PCCA: variants seen among roughly 807,000 people sequenced by gnomAD.
PCCA encodes the protein propionyl-CoA carboxylase subunit alpha.
A neutral mutation model predicts 101.3 loss-of-function variants in PCCA; 74 were observed. That is an observed-to-expected ratio of 0.73 (90% CI 0.61 to 0.89). The LOEUF (loss-of-function observed/expected upper bound fraction) is 0.89. Ranked by LOEUF, PCCA falls within the 40% of genes least tolerant of loss-of-function variation. PCCA has a pLI of 0.00. For synonymous variants in PCCA, 294 were observed against 313.6 expected (o/e 0.94, Z 0.66); for missense variants, 891 against 907.0 (o/e 0.98, Z 0.23).
At chr13:100,481,597 A>G (rs2083939644) in intron 21 of PCCA, among the ~76,000 whole-genome samples, 1 of 152,076 alleles carries the variant, frequency 6.6e-6, no homozygotes, top group Non-Finnish European at 1.5e-5. Context: ...ACCCCCTGAC[A>G]GTAGATCTGG....
chr13:100,476,492 T>G (rs1367639470), intron 21 of PCCA, among the ~76,000 whole-genome samples: 1 of 152,216 alleles, frequency 6.6e-6, no homozygotes, highest in African/African-American at 2.4e-5. Flanking sequence ...TAAGTATCTT[T>G]CCAAGTCACT....
intron 7 of PCCA, among the ~76,000 whole-genome samples, chr13:100,211,695 T>TA (rs1228104525): frequency 6.6e-6 from 1 of 152,170 alleles, no homozygotes; most frequent in African/African-American, 2.4e-5. Context: ...TGGGCAATCT[T>TA]ACTTTTTTTC....
chr13:100,279,756 G>T (rs895428584), intron 12 of PCCA, among the ~76,000 whole-genome samples: 3 of 152,154 alleles, frequency 2.0e-5, no homozygotes, highest in Non-Finnish European at 4.4e-5. Context: ...TTACAGGCAT[G>T]AGCCACCGCG....
rs556579632 is a variant in PCCA at position 100,117,543 on chromosome 13, C to G, written c.300+5482C>G. Among the ~76,000 whole-genome samples the G allele has an allele frequency of 2.0e-5, 3 of 151,320 alleles. No individual in the cohort carries two copies. The South Asian group carries it at 6.2e-4, about 31-fold the overall frequency. The stretch of plus-strand genomic sequence containing the variant: ...CAGGGACAGAAAACAAAACACTGCA[C>G]GTTCTCACTCATAGGTGGGAATTGA... On this transcript the variant is annotated intron_variant, in intron 4 of 23. Coordinates refer to ENST00000376285, the MANE Select transcript of PCCA (RefSeq NM_000282.4).
chr13:100,151,687 G>T (rs1216775013), intron 4 of PCCA, among the ~76,000 whole-genome samples: 1 of 152,034 alleles, frequency 6.6e-6, no homozygotes, highest in African/African-American at 2.4e-5. Flanking sequence ...ATCTCTATTG[G>T]TTTTCTGAGA....
At chr13:100,244,451 G>A (rs1204759241) in intron 8 of PCCA, among the ~76,000 whole-genome samples, 1 of 151,818 alleles carries the variant, frequency 6.6e-6, no homozygotes, top group East Asian at 1.9e-4. Context: ...TGCTGTTTCT[G>A]TCTCCCTTTA....
intron 4 of PCCA, among the ~76,000 whole-genome samples, chr13:100,115,118 A>G (rs1212544931): frequency 6.6e-6 from 1 of 152,226 alleles, no homozygotes. Flanking sequence ...TGTCATTTGC[A>G]ATAGCATGGA....
chr13:100,443,228 A>G (rs1299759926), intron 20 of PCCA, among the ~76,000 whole-genome samples: 5 of 151,932 alleles, frequency 3.3e-5, no homozygotes, highest in African/African-American at 1.2e-4. Context: ...TAGTTGGGGG[A>G]AAAAATTAAA....
At chr13:100,232,393 G>GTGTGTGTGTGTGT (rs2060549762) in intron 7 of PCCA, among the ~76,000 whole-genome samples, 1 of 58,912 alleles carries the variant, frequency 1.7e-5, no homozygotes, top group Non-Finnish European at 3.9e-5. Flanking sequence ...TGTGTGTGTG[G>GTGTGTGTGTGTGT]TTTTAGAGAC....
intron 21 of PCCA, among the ~76,000 whole-genome samples, chr13:100,492,853 C>G (rs1450185264): frequency 1.3e-5 from 2 of 151,666 alleles, no homozygotes; most frequent in Non-Finnish European, 2.9e-5. Context: ...TGACCAAACT[C>G]CAGGGGAAAG....
intron 12 of PCCA, among the ~76,000 whole-genome samples, chr13:100,294,401 G>T (rs1360243570): frequency 1.3e-5 from 2 of 152,000 alleles, no homozygotes; most frequent in African/African-American, 2.4e-5. Context: ...TATTCTTGGG[G>T]TCACCAGGGG....
chr13:100,341,973 A>ATATATATATATG (rs1257478273), intron 18 of PCCA, among the ~76,000 whole-genome samples: 18 of 121,856 alleles, frequency 1.5e-4, no homozygotes, highest in Middle Eastern at 5.1e-3. Flanking sequence ...ATATATATAT[A>ATATATATATATG]TATATATATG....
At chr13:100,300,010 A>G (rs922549741) in intron 12 of PCCA, among the ~76,000 whole-genome samples, 8 of 152,164 alleles carry the variant, frequency 5.3e-5, no homozygotes, top group Admixed American at 4.6e-4. Context: ...CGCCACACCC[A>G]TCCAGGTTCA....
chr13:100,179,995 A>G (rs776742835), intron 6 of PCCA, among the ~76,000 whole-genome samples: 3 of 152,156 alleles, frequency 2.0e-5, no homozygotes, highest in African/African-American at 4.8e-5. Context: ...ATGAGAAAAC[A>G]CGTGGTACAA....
At chr13:100,342,920 C>T (rs2071603305) in intron 18 of PCCA, among the ~76,000 whole-genome samples, 1 of 151,914 alleles carries the variant, frequency 6.6e-6, no homozygotes, top group African/African-American at 2.4e-5. Context: ...TGGGGTTTCA[C>T]CATGTTGTCC....
intron 1 of PCCA, among the ~76,000 whole-genome samples, chr13:100,101,221 G>A (rs1220599157): frequency 2.0e-5 from 3 of 152,156 alleles, no homozygotes; most frequent in African/African-American, 7.2e-5. Context: ...ATATCTTTGA[G>A]TAGATATTAG....
intron 6 of PCCA, among the ~76,000 whole-genome samples, chr13:100,178,711 G>A (rs2056467492): frequency 6.6e-6 from 1 of 151,608 alleles, no homozygotes; most frequent in Non-Finnish European, 1.5e-5. Flanking sequence ...TTCTTTCTTT[G>A]ATCCTGTTTT....
intron 7 of PCCA, among the ~76,000 whole-genome samples, chr13:100,221,279 C>T (rs2059794055): frequency 6.6e-6 from 1 of 152,228 alleles, no homozygotes; most frequent in Non-Finnish European, 1.5e-5. Context: ...AATTGGACCT[C>T]TACCCAGTGT....
chr13:100,529,894 A>G lies in PCCA; in HGVS notation c.2119-204A>G, dbSNP rs857294. ...GACAGAGGAGACGGGAAAGGGGAGG[A>G]GTGAGCCACGGCCACGGCCACCATG... On this transcript the variant is annotated intron_variant, in intron 23 of 23. Coordinates refer to ENST00000376285, the MANE Select transcript of PCCA (RefSeq NM_000282.4). Among the ~76,000 whole-genome samples the G allele has an allele frequency of 0.59, 89,630 of 151,860 alleles. 27,271 individuals carry two copies. Among genetic ancestry groups the G allele is most frequent in the East Asian group, 0.9 (4,630 of 5,144 alleles).
Sources: gnomAD v4.1 joint callset for allele counts (sites outside exome capture counted in the v4.1 genomes callset) on GRCh38, gnomAD v4.1.1 for gene constraint, MANE v1.5 for transcripts, NCBI Gene and HGNC (gene_info 2026-07-23, HGNC 2026-07-21) for gene names.